Variants in PSD3 observed in about 807,000 individuals in gnomAD.
The protein encoded by PSD3 is PH and SEC7 domain-containing protein 3.
A neutral mutation model predicts 105.5 loss-of-function variants in PSD3; 49 were observed. The ratio of observed to expected loss-of-function variants is 0.46; its 90% CI spans 0.37 to 0.59. PSD3 has a LOEUF of 0.59. Ranked by LOEUF, PSD3 falls within the 20% of genes least tolerant of loss-of-function variation. The probability of loss-of-function intolerance (pLI) is 0.00; values close to 1 mark genes in which losing one functional copy is unlikely to be tolerated. For synonymous variants in PSD3, 557 were observed against 457.8 expected, an observed-to-expected ratio of 1.22 and a Z score of -2.77; for missense variants, 1,561 against 1,263.8, an observed-to-expected ratio of 1.24 and a Z score of -3.57.
intron 4 of PSD3, among the ~76,000 whole-genome samples, chr8:18,820,849 G>A (rs1347058654): frequency 7.6e-6 from 1 of 131,740 alleles, no homozygotes; most frequent in Admixed American, 8.3e-5. Flanking sequence ...AGCCTCCTGG[G>A]CACAGGCAAT....
intron 8 of PSD3, among the ~76,000 whole-genome samples, chr8:18,778,952 G>GTGGTTCTGGCATCAAGT (rs1420620734): frequency 6.6e-6 from 1 of 151,998 alleles, no homozygotes; most frequent in Non-Finnish European, 1.5e-5. Flanking sequence ...TGGCATCAAG[G>GTGGTTCTGGCATCAAGT]TAATTCTGGC....
chr8:18,875,564 T>C (rs991049048), intron 2 of PSD3, among the ~76,000 whole-genome samples: 2 of 150,862 alleles, frequency 1.3e-5, no homozygotes, highest in Non-Finnish European at 3.0e-5. Context: ...TGAGATGGAG[T>C]CTTGCTCCGT....
chr8:19,066,419 A>G (rs1386527269), intron 1 of PSD3, among the ~76,000 whole-genome samples: 2 of 152,170 alleles, frequency 1.3e-5, no homozygotes, highest in African/African-American at 4.8e-5. Context: ...TTCTTTCACC[A>G]ACACACTACT....
At chr8:19,018,883 G>A (rs546473411) in intron 1 of PSD3, among the ~76,000 whole-genome samples, 3 of 152,196 alleles carry the variant, frequency 2.0e-5, no homozygotes, top group South Asian at 4.1e-4. Context: ...TGCAGCCTCC[G>A]CCTCCCGTGT....
chr8:18,772,417 G>A (rs335229), intron 8 of PSD3, among the ~76,000 whole-genome samples: 11 of 152,324 alleles, frequency 7.2e-5, no homozygotes, highest in South Asian at 6.2e-4. Context: ...AGCAATGATC[G>A]TAGTGGGTAT....
At chr8:18,536,648 C>T (rs764405237) in intron 15 of PSD3, among the ~76,000 whole-genome samples, 89 of 152,204 alleles carry the variant, frequency 5.8e-4, no homozygotes, top group Non-Finnish European at 1.1e-3. Context: ...CAACAATATT[C>T]ATTACCAACT....
chr8:18,613,382 G>A (rs1052999769), intron 11 of PSD3, among the ~76,000 whole-genome samples: 4 of 152,132 alleles, frequency 2.6e-5, no homozygotes, highest in Admixed American at 6.5e-5. Context: ...TGTGTGGTAA[G>A]GTGGGATTTA....
intron 8 of PSD3, chr8:18,774,648 A>C: frequency 2.7e-6 from 1 of 371,774 alleles, no homozygotes; most frequent in Non-Finnish European, 5.2e-6. Context: ...CCAGTGGCAC[A>C]TGATACAAGT....
chr8:18,748,253 G>C lies in PSD3; in HGVS notation c.2172+17196C>G, dbSNP rs113186890. ...CAAAGGTTGGCAGAAAGTATTCTGTGACTCCTTTGTATAGATGCATGCTTT... is the reference window on the plus strand; with the variant it reads ...CAAAGGTTGGCAGAAAGTATTCTGTCACTCCTTTGTATAGATGCATGCTTT... On this transcript the variant is annotated intron_variant, in intron 9 of 15. Coordinates refer to ENST00000327040, the MANE Select transcript of PSD3 (RefSeq NM_015310.4). Among the ~76,000 whole-genome samples the C allele has an allele frequency of 3.3e-5, 5 of 152,240 alleles. 1 individual carries two copies. Among genetic ancestry groups the C allele is most frequent in the African/African-American group, 1.2e-4 (5 of 41,546 alleles).
intron 1 of PSD3, among the ~76,000 whole-genome samples, chr8:19,061,549 T>G (rs1157382565): frequency 6.6e-6 from 1 of 152,062 alleles, no homozygotes; most frequent in Non-Finnish European, 1.5e-5. Flanking sequence ...GGCTCACGCC[T>G]GTAATCCCAG....
chr8:18,973,611 G>T (rs1824770499), intron 1 of PSD3, among the ~76,000 whole-genome samples: 1 of 152,108 alleles, frequency 6.6e-6, no homozygotes, highest in Admixed American at 6.5e-5. Flanking sequence ...AGCACACTAT[G>T]GGTTAGAACT....
intron 2 of PSD3, among the ~76,000 whole-genome samples, chr8:18,916,317 T>G (rs1586415521): frequency 5.3e-5 from 2 of 37,570 alleles, no homozygotes; most frequent in Admixed American, 2.6e-4. Flanking sequence ...TATATATATA[T>G]ATATATATAT....
chr8:19,003,178 T>C (rs539876013), intron 1 of PSD3, among the ~76,000 whole-genome samples: 23 of 152,158 alleles, frequency 1.5e-4, no homozygotes, highest in African/African-American at 5.3e-4. Flanking sequence ...CCAACCACTA[T>C]GCTGCACTGC....
In PSD3 at chr8:18,527,531, T is replaced by C. The variant is rs1799473049; in HGVS notation, c.*8212A>G. On this transcript the variant is annotated 3_prime_UTR_variant, in exon 16 of 16. Transcript: ENST00000327040. ...ATAAATGTACTCTATATATCACAGC[T>C]TCTATACATATCAGATGACTCACTT... 6.6e-6 allele frequency: 1 copy of C among 152,638 alleles called. No individual in the cohort carries two copies. Among genetic ancestry groups the C allele is most frequent in the Non-Finnish European group, 1.5e-5 (1 of 68,042 alleles). 9.5% of individuals were successfully genotyped at this position (152,638 alleles called of 1,614,324 possible). A position where few individuals can be genotyped will look rare whatever the true frequency, so the allele number is the denominator to read the frequency against.
At chr8:19,006,803 A>G (rs1482837989) in intron 1 of PSD3, among the ~76,000 whole-genome samples, 1 of 152,090 alleles carries the variant, frequency 6.6e-6, no homozygotes, top group Non-Finnish European at 1.5e-5. Context: ...TTTCATCTAC[A>G]ATGAAAATCA....
intron 9 of PSD3, among the ~76,000 whole-genome samples, chr8:18,730,750 G>T (rs1803687717): frequency 6.6e-6 from 1 of 152,104 alleles, no homozygotes; most frequent in Admixed American, 6.5e-5. Flanking sequence ...ATGTCCTTTG[G>T]GAAGCCTTGT....
chr8:18,787,932 T>G (rs1231886920), intron 8 of PSD3, among the ~76,000 whole-genome samples: 1 of 152,178 alleles, frequency 6.6e-6, no homozygotes, highest in East Asian at 1.9e-4. Context: ...TCTGTAAATT[T>G]CTGTAAAGGA....
At chr8:19,060,795 G>T (rs1476411795) in intron 1 of PSD3, among the ~76,000 whole-genome samples, 2 of 152,174 alleles carry the variant, frequency 1.3e-5, no homozygotes, top group African/African-American at 2.4e-5. Context: ...GTTAGCTGAA[G>T]GGGGAAAGAA....
chr8:18,636,853 G>A (rs1424713112), intron 10 of PSD3, among the ~76,000 whole-genome samples: 4 of 152,146 alleles, frequency 2.6e-5, no homozygotes, highest in South Asian at 2.1e-4. Context: ...TGATGAATTC[G>A]CCTGATGACA....
Sources: gnomAD v4.1 joint callset for allele counts (sites outside exome capture counted in the v4.1 genomes callset) on GRCh38, gnomAD v4.1.1 for gene constraint, MANE v1.5 for transcripts, NCBI Gene and HGNC (gene_info 2026-07-23, HGNC 2026-07-21) for gene names.